ABCA3: variants seen among roughly 807,000 people sequenced by gnomAD.
ABCA3 encodes ATP binding cassette subfamily A member 3, also known as phospholipid-transporting ATPase ABCA3.
Under a neutral mutation model 172.8 loss-of-function variants are expected in ABCA3, and 88 were observed. The ratio of observed to expected loss-of-function variants is 0.51; its 90% confidence interval spans 0.43 to 0.61. The LOEUF is 0.61. ABCA3 is among the 20% of genes least tolerant of loss of function. The pLI is 0.00. For missense variants in ABCA3, 2,164 were observed against 2,301.0 expected, an observed-to-expected ratio of 0.94 and a Z score of 1.22; for synonymous variants, 1,066 against 983.8, an observed-to-expected ratio of 1.08 and a Z score of -1.56.
intron 18 of ABCA3, among the ~76,000 whole-genome samples, chr16:2,294,888 C>T (rs753456790): frequency 5.9e-5 from 9 of 152,038 alleles, no homozygotes; most frequent in Non-Finnish European, 1.3e-4. Context: ...GAGGCTGAGG[C>T]AGGAGAATTG....
intron 12 of ABCA3, among the ~76,000 whole-genome samples, chr16:2,300,384 G>A (rs1596845597): frequency 6.6e-6 from 1 of 151,960 alleles, no homozygotes; most frequent in East Asian, 1.9e-4. Context: ...TTACATACAG[G>A]CTTGTGAAGA....
At chr16:2,303,294 G>A (rs539445780) in intron 12 of ABCA3, among the ~76,000 whole-genome samples, 39 of 141,852 alleles carry the variant, frequency 2.7e-4, no homozygotes, top group East Asian at 1.7e-3. Flanking sequence ...ACAGACTCTC[G>A]CTGTGTTGCC....
At chr16:2,320,410 G>C (rs1475922719) in intron 7 of ABCA3, among the ~76,000 whole-genome samples, 1 of 129,206 alleles carries the variant, frequency 7.7e-6, no homozygotes, top group Non-Finnish European at 1.6e-5. Flanking sequence ...TTTTTTTTTT[G>C]AGACAGTCTT....
At chr16:2,311,068 G>T (rs1362178752) in intron 10 of ABCA3, among the ~76,000 whole-genome samples, 1 of 151,972 alleles carries the variant, frequency 6.6e-6, no homozygotes, top group Admixed American at 6.6e-5. Context: ...CTACCTCCTG[G>T]GTTCAAGCAA....
intron 8 of ABCA3, 144 bp downstream of exon 8, chr16:2,319,437 A>G: frequency 8.6e-7 from 1 of 1,164,040 alleles, no homozygotes; most frequent in Non-Finnish European, 1.2e-6. Context: ...GTGAGCCGAG[A>G]TCGCACCACT....
At position 2,288,263 on chromosome 16, in the gene ABCA3, A is replaced by C; in HGVS notation, c.2767T>G (p.Trp923Gly). 6.3e-7 allele frequency: 1 copy of C among 1,588,842 alleles called. No homozygotes were observed. Among genetic ancestry groups the C allele is most frequent in the Non-Finnish European group, 8.6e-7 (1 of 1,168,022 alleles). Residue 923 changes from tryptophan to glycine, a missense_variant, in exon 21 of 33, where the codon TGG becomes GGG. By Grantham distance (184) the Trp-to-Gly change is radical. Around this residue, in one of 3 missense-constraint regions of ABCA3, gnomAD observed 1,343 missense variants for 1,369.6 expected, o/e 0.98. Coordinates refer to ENST00000301732, the MANE Select transcript of ABCA3 (RefSeq NM_001089.3). ...LKKAAYSWRE[W>G]KMVAAQVLVP... is the part of the protein sequence containing the mutation. ...AGGACCTGTGCCGCCACCATTTTCC[A>C]CTCGCGCCAGCTGTATGCGGCCTTC...
rs186444841 is a variant in ABCA3 at position 2,318,097 on chromosome 16, C to A, written c.874-333G>T. Among the ~76,000 whole-genome samples, 3 of 152,356 alleles carry A rather than the reference C, an allele frequency of 2.0e-5. No homozygotes were observed. The East Asian group carries it at 5.8e-4, about 29-fold the overall frequency. On this transcript the variant is annotated intron_variant, in intron 8 of 32. Coordinates refer to ENST00000301732, the MANE Select transcript of ABCA3 (RefSeq NM_001089.3). ...CCGAAGCTACGTCAGGCGGCAGGAG[C>A]CCAGCCCTTCTGGGGGTGGGCCGAA...
chr16:2,276,724 A>G lies in ABCA3; in HGVS notation c.5065T>C (p.Phe1689Leu), dbSNP rs1322069652. 6.2e-7 allele frequency: 1 copy of G among 1,613,854 alleles called. No homozygotes were observed. Among genetic ancestry groups the G allele is most frequent in the Non-Finnish European group, 8.5e-7 (1 of 1,180,052 alleles). Reference protein sequence around the residue: ...SVSQISLEQVFLSFAHLQPPT... With the variant: ...SVSQISLEQVLLSFAHLQPPT... ...GGCTGCAGGTGGGCGAAGCTCAGGA[A>G]GACCTGTTCCAGCGAGATCTGGCTC... Residue 1689 changes from phenylalanine to leucine, a missense_variant, in exon 33 of 33, where the codon TTC becomes CTC. Around this residue, in one of 3 missense-constraint regions of ABCA3, gnomAD observed 795 missense variants for 881.9 expected, o/e 0.90. Transcript: ENST00000301732.
At chr16:2,336,763 C>A (rs1837286695) in intron 1 of ABCA3, among the ~76,000 whole-genome samples, 1 of 151,956 alleles carries the variant, frequency 6.6e-6, no homozygotes, top group South Asian at 2.1e-4. Context: ...TACAATTGAT[C>A]TTAAATGCTG....
rs569704609 is a variant in ABCA3, at chr16:2,292,718, G to A, written c.2415-480C>T. 5.9e-5 allele frequency among the ~76,000 whole-genome samples: 9 copies of A among 152,192 alleles called. No individual in the cohort carries two copies. The South Asian group carries it at 1.0e-3, about 18-fold the overall frequency. On this transcript the variant is annotated intron_variant, in intron 18 of 32. Transcript: ENST00000301732. ...GCGAATTGCCTGAACTCAGGAGTTCGAGACCAGCCTGAGCAACACGGTGAA... is the reference window on the plus strand; with the variant it reads ...GCGAATTGCCTGAACTCAGGAGTTCAAGACCAGCCTGAGCAACACGGTGAA...
At chr16:2,305,026 T>C (rs1205981028) in intron 11 of ABCA3, among the ~76,000 whole-genome samples, 1 of 152,156 alleles carries the variant, frequency 6.6e-6, no homozygotes, top group Non-Finnish European at 1.5e-5. Flanking sequence ...TTGCCCAGCC[T>C]GGTCTCGAAC....
In ABCA3 at chr16:2,276,068, A is replaced by C; in HGVS notation, c.*606T>G. The C allele has an allele frequency of 3.4e-6, 1 of 292,612 alleles. No individual in the cohort carries two copies. The highest frequency in any genetic ancestry group is 6.8e-6 in the Non-Finnish European group (1 of 147,334). The allele number at this position is 292,612 out of a possible 1,614,324, so 18.1% of individuals were successfully genotyped here. On this transcript the variant is annotated 3_prime_UTR_variant, in exon 33 of 33. Transcript: ENST00000301732. ...CTCCTGTGCCGGCTGCTTCTAGGAGATGCTGTGGGACGGTGCCCGGCTTCG... is the reference window on the plus strand; with the variant it reads ...CTCCTGTGCCGGCTGCTTCTAGGAGCTGCTGTGGGACGGTGCCCGGCTTCG...
chr16:2,295,663 C>G lies in ABCA3; in HGVS notation c.2341G>C (p.Val781Leu), dbSNP rs771821923. Residue 781 changes from valine (V) to leucine (L), a missense_variant, in exon 18 of 33, where the codon GTG becomes CTG. Transcript: ENST00000301732. ...CTGCTCTCCAGCGTGGCGTTGGGCACGTGGTGGTGGACCAGCTGGGAGATG... is the reference window on the plus strand; with the variant it reads ...CTGCTCTCCAGCGTGGCGTTGGGCAGGTGGTGGTGGACCAGCTGGGAGATG... ...EDISQLVHHH[V>L]PNATLESSAG... 1.8e-5 allele frequency: 29 copies of G among 1,613,928 alleles called. No homozygotes were observed. Among genetic ancestry groups the G allele is most frequent in the Middle Eastern group, 3.3e-4 (2 of 6,084 alleles).
Position 2,276,013 on chromosome 16 carries a change from CAG to C in ABCA3, c.*659_*660del, listed in dbSNP as rs978680776. On this transcript the variant is annotated 3_prime_UTR_variant, in exon 33 of 33. Transcript: ENST00000301732. ...CTTCCTGAGGGTGCAGTGCTGGAAACAGAGACTGCTTCGAGCCTGGCCACCTT... is the reference window on the plus strand; with the variant it reads ...CTTCCTGAGGGTGCAGTGCTGGAAACAGACTGCTTCGAGCCTGGCCACCTT... The C allele has an allele frequency of 1.5e-5, 4 of 269,494 alleles. No homozygotes were observed. The highest frequency in any genetic ancestry group is 2.3e-5 in the African/African-American group (1 of 43,834). The allele number at this position is 269,494 out of a possible 1,614,324, so 16.7% of individuals were successfully genotyped here. A position where few individuals can be genotyped will look rare whatever the true frequency, so the allele number is the denominator to read the frequency against.
At chr16:2,319,252 G>A (rs542287023) in intron 8 of ABCA3, among the ~76,000 whole-genome samples, 168 of 152,196 alleles carry the variant, frequency 1.1e-3, no homozygotes, top group African/African-American at 3.7e-3. Flanking sequence ...TCTGGAGGCC[G>A]AGGCGGGCGG....
chr16:2,276,537 T>G lies in ABCA3; in HGVS notation c.*137A>C, dbSNP rs2093646644. ...CTGCACTCGTCCATTCTGTGCATAC[T>G]GCCTTGAATTTTTCATATCCATCAT... On this transcript the variant is annotated 3_prime_UTR_variant, in exon 33 of 33. Coordinates refer to ENST00000301732, the MANE Select transcript of ABCA3 (RefSeq NM_001089.3). 1.4e-6 allele frequency: 2 copies of G among 1,420,560 alleles called. No individual in the cohort carries two copies. Among genetic ancestry groups the G allele is most frequent in the Admixed American group, 2.1e-5 (1 of 48,676 alleles). The allele number at this position is 1,420,560 out of a possible 1,614,324, so 88.0% of individuals were successfully genotyped here.
chr16:2,276,632 G>A lies in ABCA3; in HGVS notation c.*42C>T, dbSNP rs2093646834. On this transcript the variant is annotated 3_prime_UTR_variant, in exon 33 of 33. Transcript: ENST00000301732. ...AGAGGATGTAAGATGGGCCCTGCTT[G>A]CCCGTCCTGTCCCTGCCTGATGGCG... 2 of 1,606,824 alleles carry A rather than the reference G, an allele frequency of 1.2e-6. No individual in the cohort carries two copies. The highest frequency in any genetic ancestry group is 2.7e-5 in the African/African-American group (2 of 74,864).
At chr16:2,289,239 T>G (rs1394194677) in intron 20 of ABCA3, 195 bp downstream of exon 20, 10 of 652,452 alleles carry the variant, frequency 1.5e-5, no homozygotes, top group Admixed American at 2.7e-5. Flanking sequence ...GCATGAGAAA[T>G]TCCAGTTGCT....
At chr16:2,339,349 G>A (rs544478543) in intron 1 of ABCA3, 1 of 152,326 alleles carries the variant, frequency 6.6e-6, no homozygotes, top group South Asian at 2.1e-4. Flanking sequence ...ACTTTAGGAA[G>A]GGAGAGACGT....
Sources: gnomAD v4.1 joint callset for allele counts (sites outside exome capture counted in the v4.1 genomes callset) on GRCh38, gnomAD v4.1.1 for gene constraint, gnomAD v4.1.1 regional missense constraint, MANE v1.5 for transcripts, NCBI Gene and HGNC (gene_info 2026-07-23, HGNC 2026-07-21) for gene names.